Variants in MSH3 observed in about 807,000 individuals in gnomAD.
MSH3 encodes the protein DNA mismatch repair protein Msh3.
MSH3 carries 106 observed loss-of-function variants against 123.3 expected under a neutral mutation model. That is an observed-to-expected ratio of 0.86 (90% CI 0.73 to 1.01). MSH3 has a LOEUF of 1.01. MSH3 is among the 50% of genes least tolerant of loss of function. The pLI is 0.00. For synonymous variants in MSH3, 515 were observed against 481.4 expected (o/e 1.07, Z -0.91); for missense variants, 1,459 against 1,347.6 (o/e 1.08, Z -1.29).
intron 20 of MSH3, among the ~76,000 whole-genome samples, chr5:80,826,794 C>T (rs1474774652): frequency 6.6e-6 from 1 of 151,986 alleles, no homozygotes; most frequent in African/African-American, 2.4e-5. Flanking sequence ...GGTAATCCAC[C>T]TGCCTCGGCC....
intron 8 of MSH3, among the ~76,000 whole-genome samples, chr5:80,709,619 G>C (rs1018736227): frequency 7.9e-5 from 12 of 151,996 alleles, no homozygotes; most frequent in African/African-American, 2.9e-4. Context: ...GCGACAGAGT[G>C]AAACTCCGTC....
rs368697570 is a variant in MSH3 at position 80,846,275 on chromosome 5, G to A, written c.2814-7855G>A. ...TTGCTGCCTGATCCTTCATCTGGAAGTTTCATCCCAGAGGGGCACCCGCCT... is the reference window on the plus strand; with the variant it reads ...TTGCTGCCTGATCCTTCATCTGGAAATTTCATCCCAGAGGGGCACCCGCCT... On this transcript the variant is annotated intron_variant, in intron 20 of 23. Transcript: ENST00000265081. Among the ~76,000 whole-genome samples, 7 of 152,156 alleles carry A rather than the reference G, an allele frequency of 4.6e-5. 1 individual carries two copies. The highest frequency in any genetic ancestry group is 1.7e-4 in the African/African-American group (7 of 41,530).
intron 3 of MSH3, among the ~76,000 whole-genome samples, chr5:80,667,338 A>C (rs1345025589): frequency 1.3e-5 from 2 of 152,240 alleles, no homozygotes; most frequent in African/African-American, 4.8e-5. Flanking sequence ...TCATGGAAAC[A>C]AAATAGGAAA....
intron 8 of MSH3, among the ~76,000 whole-genome samples, chr5:80,723,953 G>T (rs1330963416): frequency 6.6e-6 from 1 of 151,932 alleles, no homozygotes; most frequent in South Asian, 2.1e-4. Flanking sequence ...TGTAGAGAGA[G>T]CCATGTTGCC....
Position 80,867,410 on chromosome 5 carries a change from C to T in MSH3, c.3130+2468C>T, listed in dbSNP as rs148769758. Among the ~76,000 whole-genome samples, 4 of 152,314 alleles carry T rather than the reference C, an allele frequency of 2.6e-5. No homozygotes were observed. In the East Asian group the frequency reaches 7.7e-4, roughly 29 times the overall value. On this transcript the variant is annotated intron_variant, in intron 22 of 23. Transcript: ENST00000265081. Reference sequence around the variant, plus strand: ...AGGGAACTTTTTCTCAGATGCCTTCCAGTATCTCATGATTGCCTCATTGCA... The same window carrying T: ...AGGGAACTTTTTCTCAGATGCCTTCTAGTATCTCATGATTGCCTCATTGCA...
intron 20 of MSH3, among the ~76,000 whole-genome samples, chr5:80,838,556 T>G (rs1208031965): frequency 6.6e-6 from 1 of 152,230 alleles, no homozygotes; most frequent in Non-Finnish European, 1.5e-5. Context: ...AGTTTTCCAT[T>G]AAATGATTTA....
In MSH3 at chr5:80,697,247, CAG is replaced by C. The variant is rs555063898; in HGVS notation, c.1340+18157_1340+18158del. ...GAGAGCCCAGAGGTCAGAAATCGTG[CAG>C]AGTCTTATGTTGACAGAGGAATGGC... On this transcript the variant is annotated intron_variant, in intron 8 of 23. Transcript: ENST00000265081. 3.3e-3 allele frequency among the ~76,000 whole-genome samples: 504 copies of C among 152,260 alleles called. 5 individuals are homozygous for C. Among genetic ancestry groups the C allele is most frequent in the African/African-American group, 0.012 (478 of 41,538 alleles).
At chr5:80,734,571 T>G (rs571364400) in intron 10 of MSH3, among the ~76,000 whole-genome samples, 1 of 152,372 alleles carries the variant, frequency 6.6e-6, no homozygotes, top group Admixed American at 6.5e-5. Context: ...AATATCCTTC[T>G]GAGGCTTATA....
chr5:80,668,353 G>A (rs932394875), intron 3 of MSH3, among the ~76,000 whole-genome samples: 10 of 152,118 alleles, frequency 6.6e-5, no homozygotes, highest in African/African-American at 2.2e-4. Context: ...GGCTTCACCC[G>A]GACCTGACCC....
chr5:80,702,251 CTCT>C (rs1750630153), intron 8 of MSH3, among the ~76,000 whole-genome samples: 1 of 152,138 alleles, frequency 6.6e-6, no homozygotes. Context: ...CTGTCCAGTT[CTCT>C]TCTTGGCCTG....
At chr5:80,803,119 T>C (rs1380700025) in intron 19 of MSH3, among the ~76,000 whole-genome samples, 1 of 152,202 alleles carries the variant, frequency 6.6e-6, no homozygotes, top group Non-Finnish European at 1.5e-5. Context: ...TGCTAGATCA[T>C]GTGTTAGTTC....
intron 8 of MSH3, among the ~76,000 whole-genome samples, chr5:80,688,758 A>G (rs370124780): frequency 6.9e-6 from 1 of 144,406 alleles, no homozygotes; most frequent in Non-Finnish European, 1.5e-5. Flanking sequence ...TTTTTTTTTT[A>G]AAGAATGAGA....
chr5:80,706,308 G>C (rs1034076262), intron 8 of MSH3, among the ~76,000 whole-genome samples: 1 of 152,060 alleles, frequency 6.6e-6, no homozygotes, highest in Non-Finnish European at 1.5e-5. Flanking sequence ...GAGTGAAGTG[G>C]TCTTGATTTT....
intron 8 of MSH3, among the ~76,000 whole-genome samples, chr5:80,685,977 C>T (rs1419102117): frequency 2.6e-5 from 4 of 151,984 alleles, no homozygotes; most frequent in Admixed American, 1.3e-4. Flanking sequence ...TTCTTGTTTT[C>T]GATTTCTAGT....
rs1347732988 is a variant in MSH3 at position 80,665,472 on chromosome 5, C to A, written c.579+109C>A. On this transcript the variant is annotated intron_variant, in intron 3 of 23. Coordinates refer to ENST00000265081, the MANE Select transcript of MSH3 (RefSeq NM_002439.5). ...GCAATGGTTCCTAAACTTGGATGGTCTTCTGAATCATCTGAGGGAGCTTTT... is the reference window on the plus strand; with the variant it reads ...GCAATGGTTCCTAAACTTGGATGGTATTCTGAATCATCTGAGGGAGCTTTT... 1.4e-5 allele frequency: 11 copies of A among 801,142 alleles called. No individual in the cohort carries two copies. The Admixed American group carries it at 2.4e-4, about 17-fold the overall frequency. 49.6% of individuals were successfully genotyped at this position (801,142 alleles called of 1,614,324 possible).
chr5:80,687,504 G>T (rs916956233), intron 8 of MSH3, among the ~76,000 whole-genome samples: 2 of 152,192 alleles, frequency 1.3e-5, no homozygotes, highest in Non-Finnish European at 2.9e-5. Flanking sequence ...GCATAGCCAA[G>T]GAAGGCTGTA....
rs1031403265 is a variant in MSH3, at chr5:80,826,638, T to A, written c.2813+12897T>A. ...ATCTTGGCTCACTGCAACCTCTACCTCCTGGGTTCAAGCGATTCTCCTGCC... is the reference window on the plus strand; with the variant it reads ...ATCTTGGCTCACTGCAACCTCTACCACCTGGGTTCAAGCGATTCTCCTGCC... On this transcript the variant is annotated intron_variant, in intron 20 of 23. Transcript: ENST00000265081. Among the ~76,000 whole-genome samples the A allele has an allele frequency of 2.7e-5, 4 of 150,438 alleles. No homozygotes were observed. In the South Asian group the frequency reaches 8.4e-4, roughly 32 times the overall value.
intron 8 of MSH3, among the ~76,000 whole-genome samples, chr5:80,695,308 A>G (rs976180646): frequency 6.6e-6 from 1 of 150,618 alleles, no homozygotes; most frequent in African/African-American, 2.4e-5. Context: ...CACTGTTATT[A>G]TATTTTTCAC....
At chr5:80,835,067 G>A (rs1383870969) in intron 20 of MSH3, among the ~76,000 whole-genome samples, 1 of 152,178 alleles carries the variant, frequency 6.6e-6, no homozygotes, top group Non-Finnish European at 1.5e-5. Context: ...TTGCCTCAAA[G>A]ATGGCAAAGA....
Sources: gnomAD v4.1 joint callset for allele counts (sites outside exome capture counted in the v4.1 genomes callset) on GRCh38, gnomAD v4.1.1 for gene constraint, MANE v1.5 for transcripts, NCBI Gene and HGNC (gene_info 2026-07-23, HGNC 2026-07-21) for gene names.